The following PDE11A variants were observed in gnomAD, a reference collection of about 807,000 sequenced individuals.
PDE11A encodes the protein dual 3',5'-cyclic-AMP and -GMP phosphodiesterase 11A.
A neutral mutation model predicts 100.5 loss-of-function variants in PDE11A; 100 were observed. The ratio of observed to expected loss-of-function variants is 1.00; its 90% CI spans 0.85 to 1.18. PDE11A has a LOEUF of 1.18. Among genes scored for constraint, PDE11A ranks in the 50% most tolerant of loss-of-function variants. The probability of loss-of-function intolerance (pLI) is 0.00; values close to 1 mark genes in which losing one functional copy is unlikely to be tolerated. For missense variants in PDE11A, 1,141 were observed against 1,152.6 expected (o/e 0.99, Z 0.15); for synonymous variants, 381 against 420.8 (o/e 0.91, Z 1.16).
chr2:178,027,263 C>T (rs1057109359), intron 1 of PDE11A, among the ~76,000 whole-genome samples: 1 of 151,992 alleles, frequency 6.6e-6, no homozygotes, highest in Non-Finnish European at 1.5e-5. Context: ...GATATAGACA[C>T]AATACCACTA....
At chr2:177,631,584 T>TAC (rs557206646) in intron 19 of PDE11A, among the ~76,000 whole-genome samples, 4,962 of 30,974 alleles carry the variant, frequency 0.16, 687 homozygotes, top group East Asian at 0.38. Context: ...TATATATATA[T>TAC]ACACACACAT....
At position 177,767,758 on chromosome 2, in the gene PDE11A, C is replaced by T. The variant is rs192919999; in HGVS notation, c.1788+1565G>A. Among the ~76,000 whole-genome samples, 508 of 152,252 alleles carry T rather than the reference C, an allele frequency of 3.3e-3. 2 individuals carry two copies. Among genetic ancestry groups the T allele is most frequent in the African/African-American group, 0.012 (479 of 41,544 alleles). On this transcript the variant is annotated intron_variant, in intron 10 of 19. Coordinates refer to ENST00000286063, the MANE Select transcript of PDE11A (RefSeq NM_016953.4). The stretch of plus-strand genomic sequence containing the variant: ...TTGGTGCTCTTCAGATGTATTTATT[C>T]ATTCACTTTTCCATTCATTCATTCA...
chr2:177,915,478 T>C (rs561794715), intron 2 of PDE11A, among the ~76,000 whole-genome samples: 23 of 152,330 alleles, frequency 1.5e-4, no homozygotes, highest in Middle Eastern at 3.4e-3. Flanking sequence ...TTCTTTTACT[T>C]AGCAATATCC....
chr2:177,793,370 G>A lies in PDE11A; in HGVS notation c.1737+23459C>T, dbSNP rs1202602776. On this transcript the variant is annotated intron_variant, in intron 9 of 19. Transcript: ENST00000286063. Reference sequence around the variant, plus strand: ...CTTGGGGTAGTATATAGTTTTGCCTGTTCTTGAACTTACATAAATGGATTC... The same window carrying A: ...CTTGGGGTAGTATATAGTTTTGCCTATTCTTGAACTTACATAAATGGATTC... Among the ~76,000 whole-genome samples the A allele has an allele frequency of 3.9e-5, 6 of 152,162 alleles. No individual in the cohort carries two copies. In the East Asian group the frequency reaches 1.2e-3, roughly 29 times the overall value.
intron 2 of PDE11A, among the ~76,000 whole-genome samples, chr2:177,934,679 T>C (rs1348412922): frequency 6.6e-6 from 1 of 152,194 alleles, no homozygotes; most frequent in Admixed American, 6.5e-5. Flanking sequence ...AAAAGACACA[T>C]GCATTTGCAT....
intron 5 of PDE11A, among the ~76,000 whole-genome samples, chr2:177,848,255 G>A (rs2083637009): frequency 6.6e-6 from 1 of 151,700 alleles, no homozygotes; most frequent in Non-Finnish European, 1.5e-5. Context: ...AAAAATTCTG[G>A]CTTAAAGGAA....
At chr2:177,719,184 G>T (rs1259926664) in intron 12 of PDE11A, among the ~76,000 whole-genome samples, 1 of 152,132 alleles carries the variant, frequency 6.6e-6, no homozygotes, top group Non-Finnish European at 1.5e-5. Context: ...CTGAGAAAAT[G>T]ATGCCAGAAA....
chr2:177,762,969 C>T (rs539402506), intron 10 of PDE11A, among the ~76,000 whole-genome samples: 21 of 152,290 alleles, frequency 1.4e-4, no homozygotes, highest in South Asian at 2.1e-4. Context: ...CCCACTCCCC[C>T]GCCCTCCGCC....
At chr2:178,022,885 T>C (rs1477685419) in intron 1 of PDE11A, among the ~76,000 whole-genome samples, 1 of 152,194 alleles carries the variant, frequency 6.6e-6, no homozygotes, top group Non-Finnish European at 1.5e-5. Flanking sequence ...CTCTTACCGC[T>C]TTGAGTATTT....
At chr2:177,818,570 T>A (rs2083082328) in intron 7 of PDE11A, among the ~76,000 whole-genome samples, 1 of 152,102 alleles carries the variant, frequency 6.6e-6, no homozygotes, top group Non-Finnish European at 1.5e-5. Context: ...ATAAAGCATT[T>A]AGCATATTGC....
chr2:177,757,559 C>T (rs992129276), intron 10 of PDE11A, among the ~76,000 whole-genome samples: 2 of 152,138 alleles, frequency 1.3e-5, no homozygotes, highest in Non-Finnish European at 1.5e-5. Flanking sequence ...TTTTAAAGTC[C>T]GTCCACTTGT....
At chr2:177,859,048 A>G (rs912065393) in intron 5 of PDE11A, among the ~76,000 whole-genome samples, 1 of 152,130 alleles carries the variant, frequency 6.6e-6, no homozygotes, top group Non-Finnish European at 1.5e-5. Flanking sequence ...TTGAACAATG[A>G]GAACACTTGG....
chr2:178,064,718 T>TGTG (rs1559059813), intron 1 of PDE11A, among the ~76,000 whole-genome samples: 1 of 151,518 alleles, frequency 6.6e-6, no homozygotes, highest in East Asian at 1.9e-4. Flanking sequence ...CAGCTACTCA[T>TGTG]GTGGTTGAGG....
chr2:177,998,870 C>T lies in PDE11A; in HGVS notation c.1071+15432G>A, dbSNP rs1264636284. The T allele has an allele frequency of 1.2e-5, 7 of 582,380 alleles. No individual in the cohort carries two copies. In the East Asian group the frequency reaches 1.7e-4, roughly 14 times the overall value. The allele number at this position is 582,380 out of a possible 1,614,324, so 36.1% of individuals were successfully genotyped here. ...CAAGCCCACTACCTGCACTATTACA[C>T]CCAACTGGATGGCTCTTTAAAGTGT... On this transcript the variant is annotated intron_variant, in intron 2 of 19. Transcript: ENST00000286063.
intron 1 of PDE11A, among the ~76,000 whole-genome samples, chr2:178,054,621 G>T (rs1325862051): frequency 6.6e-6 from 1 of 152,126 alleles, no homozygotes; most frequent in East Asian, 1.9e-4. Flanking sequence ...CTAATATCCA[G>T]AATCTACAAA....
intron 6 of PDE11A, among the ~76,000 whole-genome samples, chr2:177,829,402 T>C (rs1409363786): frequency 1.3e-5 from 2 of 152,080 alleles, no homozygotes; most frequent in East Asian, 1.9e-4. Context: ...GGGGTAGACA[T>C]TGTGCATGGA....
chr2:177,646,825 C>T (rs1368059555), intron 19 of PDE11A, among the ~76,000 whole-genome samples: 1 of 152,152 alleles, frequency 6.6e-6, no homozygotes, highest in Non-Finnish European at 1.5e-5. Context: ...TCTACCCTGC[C>T]CTGGGAAAAT....
chr2:178,035,646 G>A (rs893352504), intron 1 of PDE11A, among the ~76,000 whole-genome samples: 7 of 152,244 alleles, frequency 4.6e-5, no homozygotes, highest in South Asian at 2.1e-4. Context: ...AGGGCAAACC[G>A]AATCCAGCAG....
intron 2 of PDE11A, among the ~76,000 whole-genome samples, chr2:177,931,419 T>C (rs1322486777): frequency 6.6e-6 from 1 of 152,092 alleles, no homozygotes; most frequent in Non-Finnish European, 1.5e-5. Flanking sequence ...TCTCAATACA[T>C]TCAAAAAAGT....
Sources: allele counts gnomAD v4.1 joint callset (sites outside exome capture counted in the v4.1 genomes callset), GRCh38; gene constraint gnomAD v4.1.1; transcripts MANE v1.5; gene names NCBI Gene and HGNC (gene_info 2026-07-23, HGNC 2026-07-21).